HIBADH: variants seen among roughly 807,000 people sequenced by gnomAD.
The protein encoded by HIBADH is 3-hydroxyisobutyrate dehydrogenase.
A neutral mutation model predicts 36.1 loss-of-function variants in HIBADH; 25 were observed. That is an observed-to-expected ratio of 0.69 (90% CI 0.50 to 0.97). The LOEUF (loss-of-function observed/expected upper bound fraction) is 0.97. HIBADH is among the 50% of genes least tolerant of loss of function. The pLI is 0.00. For synonymous variants in HIBADH, 160 were observed against 149.5 expected, an observed-to-expected ratio of 1.07 and a Z score of -0.51; for missense variants, 421 against 418.0, an observed-to-expected ratio of 1.01 and a Z score of -0.06.
At chr7:27,548,787 A>C (rs1359432001) in intron 4 of HIBADH, among the ~76,000 whole-genome samples, 2 of 152,218 alleles carry the variant, frequency 1.3e-5, no homozygotes, top group African/African-American at 2.4e-5. Context: ...GTAGCATCAC[A>C]TACCAAGTGT....
chr7:27,529,091 C>T (rs1416772780), intron 7 of HIBADH, among the ~76,000 whole-genome samples: 1 of 152,092 alleles, frequency 6.6e-6, no homozygotes, highest in Non-Finnish European at 1.5e-5. Context: ...TATTTTAAGC[C>T]CACTGTTGAG....
intron 1 of HIBADH, among the ~76,000 whole-genome samples, chr7:27,653,890 T>A (rs950329496): frequency 6.6e-6 from 1 of 152,190 alleles, no homozygotes; most frequent in African/African-American, 2.4e-5. Context: ...AAGGCCAAAG[T>A]TGAACCTCTC....
intron 2 of HIBADH, among the ~76,000 whole-genome samples, chr7:27,637,733 A>G (rs890461366): frequency 6.6e-6 from 1 of 152,216 alleles, no homozygotes; most frequent in African/African-American, 2.4e-5. Context: ...AAACAACTTC[A>G]GCCAAGTCCC....
chr7:27,552,065 C>A (rs550787073), intron 4 of HIBADH, among the ~76,000 whole-genome samples: 2 of 152,274 alleles, frequency 1.3e-5, no homozygotes, highest in South Asian at 4.1e-4. Flanking sequence ...AATATAATCC[C>A]GTGAAAGTAA....
intron 4 of HIBADH, among the ~76,000 whole-genome samples, chr7:27,561,022 C>T (rs1341464839): frequency 6.6e-6 from 1 of 152,072 alleles, no homozygotes; most frequent in African/African-American, 2.4e-5. Context: ...AGTGTAATCT[C>T]TTTGTGGTTT....
intron 1 of HIBADH, among the ~76,000 whole-genome samples, chr7:27,655,658 T>C (rs1309032465): frequency 1.3e-5 from 2 of 152,218 alleles, no homozygotes; most frequent in African/African-American, 4.8e-5. Flanking sequence ...TTGTTTTATA[T>C]GTAAAATAAC....
At chr7:27,579,789 C>A (rs931564810) in intron 4 of HIBADH, among the ~76,000 whole-genome samples, 3 of 152,166 alleles carry the variant, frequency 2.0e-5, no homozygotes, top group Non-Finnish European at 4.4e-5. Flanking sequence ...TAGCTGAGTT[C>A]TATTTTAGGG....
chr7:27,583,318 G>A (rs1464173373), intron 4 of HIBADH, among the ~76,000 whole-genome samples: 1 of 151,958 alleles, frequency 6.6e-6, no homozygotes, highest in African/African-American at 2.4e-5. Flanking sequence ...GATTTTTAAA[G>A]TAAGGAGAAC....
chr7:27,612,395 G>C (rs976652684), intron 4 of HIBADH, among the ~76,000 whole-genome samples: 2 of 149,562 alleles, frequency 1.3e-5, no homozygotes, highest in African/African-American at 4.9e-5. Context: ...GCTCGATGTC[G>C]GCTCACTGCA....
At chr7:27,579,064 CAA>C (rs1491353481) in intron 4 of HIBADH, among the ~76,000 whole-genome samples, 1 of 151,866 alleles carries the variant, frequency 6.6e-6, no homozygotes, top group African/African-American at 2.4e-5. Flanking sequence ...GATGAAGAAA[CAA>C]AACAACTAAA....
At chr7:27,582,293 C>G (rs1287154207) in intron 4 of HIBADH, among the ~76,000 whole-genome samples, 2 of 152,104 alleles carry the variant, frequency 1.3e-5, no homozygotes, top group Non-Finnish European at 2.9e-5. Flanking sequence ...TTCATTTCTT[C>G]TGCTTAGTGT....
chr7:27,582,134 C>CT (rs1784802452), intron 4 of HIBADH, among the ~76,000 whole-genome samples: 1 of 152,108 alleles, frequency 6.6e-6, no homozygotes, highest in South Asian at 2.1e-4. Flanking sequence ...GTAATTGCTT[C>CT]TTTATTCTCC....
At chr7:27,607,732 G>T (rs1315456893) in intron 4 of HIBADH, among the ~76,000 whole-genome samples, 1 of 113,176 alleles carries the variant, frequency 8.8e-6, no homozygotes, top group East Asian at 3.9e-4. Flanking sequence ...CTTATCTAAT[G>T]AAAGAATGCT....
At chr7:27,631,229 G>C (rs1785740799) in intron 3 of HIBADH, among the ~76,000 whole-genome samples, 1 of 152,178 alleles carries the variant, frequency 6.6e-6, no homozygotes, top group Non-Finnish European at 1.5e-5. Flanking sequence ...CTAGGTAACA[G>C]GACAGCTAGG....
chr7:27,635,549 A>G (rs976009619), intron 2 of HIBADH, among the ~76,000 whole-genome samples: 10 of 152,252 alleles, frequency 6.6e-5, no homozygotes, highest in Non-Finnish European at 1.3e-4. Flanking sequence ...CAGGGTTCCT[A>G]TCTCCAAAGT....
At chr7:27,574,213 A>G (rs1784670473) in intron 4 of HIBADH, among the ~76,000 whole-genome samples, 1 of 132,602 alleles carries the variant, frequency 7.5e-6, no homozygotes, top group South Asian at 2.4e-4. Flanking sequence ...GAAATTAGAT[A>G]GTTGGAATTT....
At chr7:27,602,205 G>A (rs575309342) in intron 4 of HIBADH, among the ~76,000 whole-genome samples, 8 of 150,974 alleles carry the variant, frequency 5.3e-5, no homozygotes, top group South Asian at 4.2e-4. Flanking sequence ...TGCATTTCAT[G>A]GGGATGCTAT....
At chr7:27,641,927 T>C (rs1006982909) in intron 2 of HIBADH, among the ~76,000 whole-genome samples, 3 of 120,054 alleles carry the variant, frequency 2.5e-5, no homozygotes, top group Non-Finnish European at 4.9e-5. Flanking sequence ...CTTAAGAGAA[T>C]GAGAGATGTG....
At chr7:27,552,325 C>T (rs1220934189) in intron 4 of HIBADH, among the ~76,000 whole-genome samples, 1 of 152,136 alleles carries the variant, frequency 6.6e-6, no homozygotes, top group African/African-American at 2.4e-5. Flanking sequence ...CTTGTTAACA[C>T]TATTTCTGGC....
Sources: allele counts gnomAD v4.1 joint callset (sites outside exome capture counted in the v4.1 genomes callset), GRCh38; gene constraint gnomAD v4.1.1; transcripts MANE v1.5; gene names NCBI Gene and HGNC (gene_info 2026-07-23, HGNC 2026-07-21).